Variants in PXDN observed in about 807,000 individuals in gnomAD.
PXDN encodes peroxidasin, also known as peroxidasin homolog.
PXDN carries 77 observed loss-of-function variants against 140.3 expected under a neutral mutation model. That is an observed-to-expected ratio of 0.55 (90% CI 0.46 to 0.66). The LOEUF (loss-of-function observed/expected upper bound fraction) is 0.66. PXDN is among the 30% of genes least tolerant of loss of function. PXDN has a pLI of 0.00. For missense variants in PXDN, 1,838 were observed against 2,039.5 expected (o/e 0.90, Z 1.90); for synonymous variants, 911 against 857.4 (o/e 1.06, Z -1.09).
chr2:1,662,794 G>A (rs1304538604), intron 12 of PXDN, among the ~76,000 whole-genome samples: 1 of 152,182 alleles, frequency 6.6e-6, no homozygotes, highest in Admixed American at 6.5e-5. Flanking sequence ...CTGACAACAG[G>A]CAGAGGGGAG....
rs1017717970 is a variant in PXDN, at chr2:1,648,006, G to A, written c.3608+166C>T. 6.6e-6 allele frequency among the ~76,000 whole-genome samples: 1 copy of A among 151,966 alleles called. No individual in the cohort carries two copies. The highest frequency in any genetic ancestry group is 1.5e-5 in the Non-Finnish European group (1 of 67,982). ...CCCCTCCCCACAACCACGCAGCCAC[G>A]GGAGGCTGCAGGTTCCCATCTTGAC... On this transcript the variant is annotated intron_variant, in intron 17 of 22. Coordinates refer to ENST00000252804, the MANE Select transcript of PXDN (RefSeq NM_012293.3). This position sits in a 1 kb window ranked among gnomAD's most constrained non-coding sequence, Gnocchi z 8.9.
chr2:1,706,689 A>G (rs1356901215), intron 1 of PXDN, among the ~76,000 whole-genome samples: 1 of 84,322 alleles, frequency 1.2e-5, no homozygotes, highest in Non-Finnish European at 2.3e-5. Flanking sequence ...CGCCTGCCCC[A>G]CTAATAATAC....
intron 1 of PXDN, among the ~76,000 whole-genome samples, chr2:1,711,342 CCA>C (rs878955158): frequency 4.4e-5 from 2 of 45,442 alleles, no homozygotes; most frequent in Non-Finnish European, 1.2e-4. Flanking sequence ...CCACCAGCAC[CCA>C]CTCTCCACCA....
At position 1,673,830 on chromosome 2, in the gene PXDN, T is replaced by A. The variant is rs1022577121; in HGVS notation, c.849-18A>T. On this transcript the variant is annotated intron_variant, in intron 8 of 22. Coordinates refer to ENST00000252804, the MANE Select transcript of PXDN (RefSeq NM_012293.3). ...GCTCATTACTACAAAGACAGAAATATGGTCTGGTCAAGTGTTGAAAGCACA... is the reference window on the plus strand; with the variant it reads ...GCTCATTACTACAAAGACAGAAATAAGGTCTGGTCAAGTGTTGAAAGCACA... The A allele has an allele frequency of 6.2e-7, 1 of 1,613,692 alleles. No homozygotes were observed. The highest frequency in any genetic ancestry group is 8.5e-7 in the Non-Finnish European group (1 of 1,179,634).
intron 17 of PXDN, among the ~76,000 whole-genome samples, chr2:1,646,481 C>A (rs1290870448): frequency 6.6e-6 from 1 of 152,148 alleles, no homozygotes; most frequent in East Asian, 1.9e-4. Flanking sequence ...TTCAGCAAAA[C>A]CATGATAAAA....
intron 1 of PXDN, among the ~76,000 whole-genome samples, chr2:1,701,942 C>T (rs917115484): frequency 3.2e-4 from 48 of 152,174 alleles, no homozygotes; most frequent in Admixed American, 6.5e-5. Context: ...TTGGCTGGTG[C>T]TTGATCTTGG....
chr2:1,662,942 T>C (rs6750337), intron 12 of PXDN, among the ~76,000 whole-genome samples: 44,264 of 152,090 alleles, frequency 0.29, 6,675 homozygotes, highest in Admixed American at 0.38. Context: ...GCAACCTGGA[T>C]TACTCAGCTC....
Sources: gnomAD v4.1 joint callset for allele counts (sites outside exome capture counted in the v4.1 genomes callset) on GRCh38, gnomAD v4.1.1 for gene constraint, Gnocchi (gnomAD v3.1) non-coding constraint, MANE v1.5 for transcripts, NCBI Gene and HGNC (gene_info 2026-07-23, HGNC 2026-07-21) for gene names.